The following DOCK4 variants were observed in gnomAD, a reference collection of about 807,000 sequenced individuals.
DOCK4 encodes dedicator of cytokinesis protein 4.
A neutral mutation model predicts 268.1 loss-of-function variants in DOCK4; 97 were observed. That is an observed-to-expected ratio of 0.36 (90% CI 0.31 to 0.43). The LOEUF is 0.43. Ranked by LOEUF, DOCK4 falls within the 20% of genes least tolerant of loss-of-function variation. DOCK4 has a pLI of 1.00. For synonymous variants in DOCK4, 954 were observed against 887.2 expected, an observed-to-expected ratio of 1.08 and a Z score of -1.34; for missense variants, 2,145 against 2,455.7, an observed-to-expected ratio of 0.87 and a Z score of 2.67.
In DOCK4 at chr7:112,029,484, C is replaced by T. The variant is rs1045595342; in HGVS notation, c.38-25353G>A. Among the ~76,000 whole-genome samples the T allele has an allele frequency of 3.9e-5, 6 of 152,230 alleles. No homozygotes were observed. In the East Asian group the frequency reaches 7.7e-4, roughly 20 times the overall value. On this transcript the variant is annotated intron_variant, in intron 1 of 52. Transcript: ENST00000428084. ...GGGAAAAATAATTCATAAAATGTTA[C>T]CATTCATTTGCAGTACGAGACCAGC...
intron 49 of DOCK4, among the ~76,000 whole-genome samples, chr7:111,737,778 C>T (rs755699570): frequency 1.3e-5 from 2 of 152,166 alleles, no homozygotes; most frequent in Admixed American, 6.6e-5. Context: ...AGAAGGCTTT[C>T]AGAGTTGCCC....
intron 1 of DOCK4, among the ~76,000 whole-genome samples, chr7:112,010,358 G>T (rs1213474019): frequency 1.3e-5 from 2 of 152,188 alleles, no homozygotes; most frequent in Non-Finnish European, 2.9e-5. Flanking sequence ...CTGTCATTTT[G>T]AAAGTATAGC....
Position 111,737,003 on chromosome 7 carries a change from A to C in DOCK4, c.5233-14T>G. ...AAACAGCATCCTCTGCAAAGTTACA[A>C]GGGTTGATTTTTATGATGTGATATA... On this transcript the variant is annotated splice_polypyrimidine_tract_variant and intron_variant, in intron 49 of 52. Coordinates refer to ENST00000428084, the MANE Select transcript of DOCK4 (RefSeq NM_001363540.2). 6.3e-7 allele frequency: 1 copy of C among 1,597,768 alleles called. No homozygotes were observed. Among genetic ancestry groups the C allele is most frequent in the Non-Finnish European group, 8.5e-7 (1 of 1,171,672 alleles).
intron 1 of DOCK4, among the ~76,000 whole-genome samples, chr7:112,066,641 TATAC>T (rs1806995278): frequency 7.5e-6 from 1 of 133,646 alleles, no homozygotes; most frequent in Non-Finnish European, 1.6e-5. Context: ...TATACACACA[TATAC>T]ATATATACAC....
Position 111,901,665 on chromosome 7 carries a change from G to C in DOCK4, c.1317+12C>G. The stretch of plus-strand genomic sequence containing the variant: ...GACTTGTTTGACCTGGAAATATCAA[G>C]TATTAACATACCTTCAGGGTTTGGC... On this transcript the variant is annotated intron_variant, in intron 14 of 52. Transcript: ENST00000428084. 6.2e-7 allele frequency: 1 copy of C among 1,612,834 alleles called. No individual in the cohort carries two copies. The highest frequency in any genetic ancestry group is 8.5e-7 in the Non-Finnish European group (1 of 1,179,434).
intron 29 of DOCK4, 30 bp downstream of exon 29, chr7:111,809,271 T>C (rs373052099): frequency 1.5e-5 from 23 of 1,494,152 alleles, no homozygotes; most frequent in Middle Eastern, 1.7e-4. Flanking sequence ...AGAGGCAACA[T>C]TTCTCACCTG....
chr7:111,872,178 A>G, intron 19 of DOCK4, 88 bp from the exon 20 acceptor site: 1 of 1,363,904 alleles, frequency 7.3e-7, no homozygotes. Flanking sequence ...GAACTCTTAC[A>G]TTATTAAGCA....
Position 111,728,337 on chromosome 7 carries a change from C to T in DOCK4, c.5865G>A (p.Gly1955=), listed in dbSNP as rs1470379524. The T allele has an allele frequency of 6.6e-7, 1 of 1,518,854 alleles. No homozygotes were observed. 94.1% of individuals were successfully genotyped at this position (1,518,854 alleles called of 1,614,324 possible). A position where few individuals can be genotyped will look rare whatever the true frequency, so the allele number is the denominator to read the frequency against. Residue 1955 remains glycine, a synonymous_variant, in exon 53 of 53, where the codon GGG becomes GGA. Coordinates refer to ENST00000428084, the MANE Select transcript of DOCK4 (RefSeq NM_001363540.2). ...GCGGGCCGGGGTCAGTCCTCCGGGC[C>T]CCATTCTCCAGGTGGCTGGATCGCG... ...LAARSSHLEN[G]ARRTDPGPRP...
intron 8 of DOCK4, among the ~76,000 whole-genome samples, chr7:111,958,971 C>A (rs1485250017): frequency 6.6e-6 from 1 of 152,066 alleles, no homozygotes; most frequent in Admixed American, 6.6e-5. Flanking sequence ...TTATGTGACA[C>A]AGAATTGTGA....
At chr7:111,871,138 A>G (rs1194453004) in intron 20 of DOCK4, among the ~76,000 whole-genome samples, 1 of 152,254 alleles carries the variant, frequency 6.6e-6, no homozygotes, top group Non-Finnish European at 1.5e-5. Context: ...GGGGAAGGAT[A>G]TCAACCTGAT....
At chr7:111,844,011 A>G (rs1041743230) in intron 25 of DOCK4, among the ~76,000 whole-genome samples, 1 of 152,198 alleles carries the variant, frequency 6.6e-6, no homozygotes, top group Non-Finnish European at 1.5e-5. Context: ...ATGGTGGTTC[A>G]CACCTGTAAT....
chr7:111,964,859 G>A (rs1222630464), intron 8 of DOCK4, among the ~76,000 whole-genome samples: 2 of 119,612 alleles, frequency 1.7e-5, no homozygotes, highest in Admixed American at 8.3e-5. Context: ...CGGATCTCTC[G>A]GCAGAAACCC....
chr7:112,113,734 A>ATTTTTTT (rs57672966), intron 1 of DOCK4, among the ~76,000 whole-genome samples: 6 of 49,548 alleles, frequency 1.2e-4, no homozygotes, highest in East Asian at 5.5e-4. Context: ...TACTTGGCTG[A>ATTTTTTT]TTTTTTTTTT....
At chr7:112,157,701 G>A (rs949101141) in intron 1 of DOCK4, among the ~76,000 whole-genome samples, 1 of 152,108 alleles carries the variant, frequency 6.6e-6, no homozygotes, top group East Asian at 1.9e-4. Context: ...ACAGATTTGG[G>A]TGTCCTGGTA....
chr7:112,120,262 T>A lies in DOCK4; in HGVS notation c.37+85840A>T, dbSNP rs539974626. 1.1e-4 allele frequency among the ~76,000 whole-genome samples: 17 copies of A among 152,264 alleles called. 1 individual carries two copies. In the South Asian group the frequency reaches 3.5e-3, roughly 32 times the overall value. ...GCTAAAACTCTGAACAGTAAAAACA[T>A]CTATTAATAATTGCAGAATTTTTTT... On this transcript the variant is annotated intron_variant, in intron 1 of 52. Transcript: ENST00000428084.
intron 23 of DOCK4, among the ~76,000 whole-genome samples, chr7:111,857,266 A>G (rs1441016346): frequency 6.6e-6 from 1 of 152,230 alleles, no homozygotes; most frequent in Non-Finnish European, 1.5e-5. Context: ...CTTTAAAAAT[A>G]GTCTAATAGT....
At chr7:112,066,149 C>A (rs1213583693) in intron 1 of DOCK4, among the ~76,000 whole-genome samples, 1 of 152,132 alleles carries the variant, frequency 6.6e-6, no homozygotes, top group Non-Finnish European at 1.5e-5. Context: ...AGGAAGAGAA[C>A]AGCATTTGAA....
At chr7:112,185,949 T>G (rs148144042) in intron 1 of DOCK4, among the ~76,000 whole-genome samples, 1 of 152,346 alleles carries the variant, frequency 6.6e-6, no homozygotes, top group Non-Finnish European at 1.5e-5. Context: ...GCTGCACACT[T>G]AGGGCTGACG....
chr7:112,029,831 T>C (rs749281356), intron 1 of DOCK4, among the ~76,000 whole-genome samples: 2 of 152,234 alleles, frequency 1.3e-5, no homozygotes, highest in Non-Finnish European at 2.9e-5. Flanking sequence ...AAGAAATTAT[T>C]TGTGCAAAAT....
Sources: allele counts gnomAD v4.1 joint callset (sites outside exome capture counted in the v4.1 genomes callset), GRCh38; gene constraint gnomAD v4.1.1; transcripts MANE v1.5; gene names NCBI Gene and HGNC (gene_info 2026-07-23, HGNC 2026-07-21).